Variants in DGKB observed in about 807,000 individuals in gnomAD.
DGKB encodes 90 kDa diacylglycerol kinase.
Under a neutral mutation model 114.3 loss-of-function variants are expected in DGKB, and 67 were observed. That is an observed-to-expected ratio of 0.59 (90% CI 0.48 to 0.72). The LOEUF is 0.72. DGKB is among the 30% of genes least tolerant of loss of function. DGKB has a pLI of 0.00. For synonymous variants in DGKB, 398 were observed against 323.1 expected, an observed-to-expected ratio of 1.23 and a Z score of -2.49; for missense variants, 907 against 975.2, an observed-to-expected ratio of 0.93 and a Z score of 0.93.
At chr7:14,220,144 T>C (rs1376317785) in intron 23 of DGKB, among the ~76,000 whole-genome samples, 2 of 151,620 alleles carry the variant, frequency 1.3e-5, no homozygotes, top group African/African-American at 4.8e-5. Flanking sequence ...CTGAATACTG[T>C]AGACAACTAA....
chr7:14,613,300 T>C (rs946287720), intron 16 of DGKB, 40 bp downstream of exon 16: 4 of 1,206,510 alleles, frequency 3.3e-6, no homozygotes, highest in African/African-American at 1.5e-5. Flanking sequence ...TTTTTTTACA[T>C]ATACATGACA....
At chr7:14,775,712 T>G (rs1000382305) in intron 2 of DGKB, among the ~76,000 whole-genome samples, 1 of 152,042 alleles carries the variant, frequency 6.6e-6, no homozygotes, top group African/African-American at 2.4e-5. Context: ...CTGCCATGAT[T>G]GTAAGTTTCC....
At chr7:14,644,986 C>A (rs1812634726) in intron 13 of DGKB, among the ~76,000 whole-genome samples, 1 of 152,106 alleles carries the variant, frequency 6.6e-6, no homozygotes. Flanking sequence ...GCCTGAAAAC[C>A]AAGCTGCCAG....
At position 14,189,757 on chromosome 7, in the gene DGKB, T is replaced by A. The variant is rs183879200; in HGVS notation, c.2123-11606A>T. On this transcript the variant is annotated intron_variant, in intron 23 of 25. Coordinates refer to ENST00000402815, the MANE Select transcript of DGKB (RefSeq NM_001350709.2). ...CAAAAATTGAACAGAATAAGCCATA[T>A]TGATATCAGATAAAAGATATTTTAA... is the stretch of plus-strand genomic sequence containing the variant. Among the ~76,000 whole-genome samples the A allele has an allele frequency of 1.8e-3, 273 of 152,234 alleles. 1 individual carries two copies. The highest frequency in any genetic ancestry group is 6.4e-3 in the African/African-American group (264 of 41,550).
chr7:14,911,542 T>G (rs1203087039), intron 1 of DGKB, among the ~76,000 whole-genome samples: 2 of 152,180 alleles, frequency 1.3e-5, no homozygotes, highest in Non-Finnish European at 2.9e-5. Flanking sequence ...GTCACTGAAG[T>G]TTAATGATTT....
chr7:14,860,242 C>A (rs1586969012), intron 1 of DGKB, among the ~76,000 whole-genome samples: 1 of 152,098 alleles, frequency 6.6e-6, no homozygotes, highest in South Asian at 2.1e-4. Flanking sequence ...GCATAAATCA[C>A]TTACTTAAAA....
chr7:14,372,418 C>T (rs6959380), intron 21 of DGKB, among the ~76,000 whole-genome samples: 4,415 of 152,176 alleles, frequency 0.029, 97 homozygotes, highest in South Asian at 0.09. Context: ...GTGGGGGGAA[C>T]TATATTTTTA....
chr7:14,225,244 A>G (rs1261987959), intron 23 of DGKB, among the ~76,000 whole-genome samples: 1 of 152,082 alleles, frequency 6.6e-6, no homozygotes, highest in Non-Finnish European at 1.5e-5. Flanking sequence ...ACAGCCTTCA[A>G]ACTGGCATGG....
upstream of DGKB, among the ~76,000 whole-genome samples, chr7:14,906,899 T>C (rs1783741079): frequency 6.6e-6 from 1 of 152,236 alleles, no homozygotes; most frequent in African/African-American, 2.4e-5. Context: ...GATATAGCTT[T>C]ATCTTTTAAA....
intron 21 of DGKB, among the ~76,000 whole-genome samples, chr7:14,357,411 A>G (rs998495591): frequency 6.6e-6 from 1 of 152,102 alleles, no homozygotes; most frequent in African/African-American, 2.4e-5. Context: ...AGAGACTAGG[A>G]TTGCAACCCC....
intron 19 of DGKB, among the ~76,000 whole-genome samples, chr7:14,575,365 A>G (rs1584913325): frequency 6.6e-6 from 1 of 152,332 alleles, no homozygotes; most frequent in African/African-American, 2.4e-5. Flanking sequence ...TAATGAATAT[A>G]TGATAGACGG....
At chr7:14,870,153 C>A (rs1218902647) in intron 1 of DGKB, among the ~76,000 whole-genome samples, 1 of 152,094 alleles carries the variant, frequency 6.6e-6, no homozygotes, top group Non-Finnish European at 1.5e-5. Context: ...TGCAGCCCAC[C>A]ATTCTCACCT....
At chr7:14,936,437 C>G (rs546212481) in intron 1 of DGKB, among the ~76,000 whole-genome samples, 4 of 152,110 alleles carry the variant, frequency 2.6e-5, no homozygotes, top group East Asian at 1.9e-4. Flanking sequence ...GGGCTTGGAA[C>G]CTTCTGAAGG....
chr7:14,936,772 G>A (rs1230232539), intron 1 of DGKB, among the ~76,000 whole-genome samples: 2 of 151,978 alleles, frequency 1.3e-5, no homozygotes, highest in Non-Finnish European at 2.9e-5. Flanking sequence ...TTGTTTCTCA[G>A]GCTTCCAAGT....
At chr7:14,955,118 C>G (rs11981599) in intron 1 of DGKB, among the ~76,000 whole-genome samples, 1 of 151,792 alleles carries the variant, frequency 6.6e-6, no homozygotes. Flanking sequence ...GAGACCAACA[C>G]TATAAAAAAA....
intron 23 of DGKB, among the ~76,000 whole-genome samples, chr7:14,202,053 T>C (rs1785977326): frequency 1.3e-5 from 2 of 152,036 alleles, no homozygotes; most frequent in Non-Finnish European, 2.9e-5. Context: ...AGAACACTTC[T>C]TGAAGTGACA....
At chr7:14,967,764 A>G (rs1787245357) in intron 1 of DGKB, among the ~76,000 whole-genome samples, 1 of 152,116 alleles carries the variant, frequency 6.6e-6, no homozygotes, top group Admixed American at 6.6e-5. Flanking sequence ...GAGCTTAAAA[A>G]ACTTGAAATA....
chr7:14,612,292 C>T (rs1805698975), intron 16 of DGKB, among the ~76,000 whole-genome samples: 1 of 151,904 alleles, frequency 6.6e-6, no homozygotes, highest in Non-Finnish European at 1.5e-5. Flanking sequence ...GCCTCAGCCT[C>T]CCAAGTAGCT....
chr7:14,726,919 G>A (rs1288146672), intron 5 of DGKB, among the ~76,000 whole-genome samples: 1 of 152,180 alleles, frequency 6.6e-6, no homozygotes, highest in Non-Finnish European at 1.5e-5. Context: ...CATTTCCACA[G>A]AGCTTTCATT....
Sources: allele counts gnomAD v4.1 joint callset (sites outside exome capture counted in the v4.1 genomes callset), GRCh38; gene constraint gnomAD v4.1.1; transcripts MANE v1.5; gene names NCBI Gene and HGNC (gene_info 2026-07-23, HGNC 2026-07-21).